The following CYP4X1 variants were observed in gnomAD, a reference collection of about 807,000 sequenced individuals.
CYP4X1 encodes cytochrome P450 family 4 subfamily X member 1, also known as cytochrome P450 4X1.
CYP4X1 carries 44 observed loss-of-function variants against 57.9 expected under a neutral mutation model. The observed-to-expected ratio is 0.76, with a 90% CI of 0.60 to 0.98. CYP4X1 has a LOEUF of 0.98. Ranked by LOEUF, CYP4X1 falls within the 50% of genes least tolerant of loss-of-function variation. The probability of loss-of-function intolerance (pLI) is 0.00; values close to 1 mark genes in which losing one functional copy is unlikely to be tolerated. For missense variants in CYP4X1, 532 were observed against 623.9 expected, an observed-to-expected ratio of 0.85 and a Z score of 1.57; for synonymous variants, 227 against 228.6, an observed-to-expected ratio of 0.99 and a Z score of 0.06.
the CYP4X1 span, among the ~76,000 whole-genome samples, chr1:46,971,880 A>G: frequency 6.6e-6 from 1 of 152,156 alleles, no homozygotes; most frequent in African/African-American, 2.4e-5. Flanking sequence ...CCTATTCTGT[A>G]GACTGTCCAT....
chr1:47,045,275 A>G (rs1286696281), intron 8 of CYP4X1, among the ~76,000 whole-genome samples: 1 of 152,230 alleles, frequency 6.6e-6, no homozygotes, highest in African/African-American at 2.4e-5. Context: ...ATATGCAGTC[A>G]TTTTATGGAA....
chr1:47,027,611 T>C (rs1644084004), intron 1 of CYP4X1, among the ~76,000 whole-genome samples: 1 of 152,232 alleles, frequency 6.6e-6, no homozygotes, highest in Non-Finnish European at 1.5e-5. Context: ...ATTTTAAGTA[T>C]AGTCATAAGG....
At chr1:46,985,842 C>T in the CYP4X1 span, among the ~76,000 whole-genome samples, 2 of 152,104 alleles carry the variant, frequency 1.3e-5, no homozygotes, top group African/African-American at 4.8e-5. Context: ...AGGATGTTGT[C>T]CACACAGAAA....
chr1:47,036,081 AGTTT>A lies in CYP4X1; in HGVS notation c.689_692del (p.Leu230CysfsTer6). ...CAAAATCATATTTCACCGCTTGTACAGTTTGTTGTATCACAGTGACATAATTTTC... is the reference window on the plus strand; with the variant it reads ...CAAAATCATATTTCACCGCTTGTACAGTTGTATCACAGTGACATAATTTTC... On this transcript the variant is annotated frameshift_variant, in exon 6 of 12. Transcript: ENST00000371901. LOFTEE classifies it high-confidence loss of function. 6.2e-7 allele frequency: 1 copy of A among 1,613,818 alleles called. No homozygotes were observed. The highest frequency in any genetic ancestry group is 8.5e-7 in the Non-Finnish European group (1 of 1,179,824).
chr1:46,990,869 G>A, the CYP4X1 span, among the ~76,000 whole-genome samples: 2 of 152,062 alleles, frequency 1.3e-5, no homozygotes, highest in Non-Finnish European at 2.9e-5. Flanking sequence ...ATGGACACAG[G>A]GAGGGGAACA....
intron 1 of CYP4X1, among the ~76,000 whole-genome samples, chr1:47,029,519 A>T (rs1480921591): frequency 2.6e-5 from 4 of 152,252 alleles, no homozygotes; most frequent in Non-Finnish European, 5.9e-5. Context: ...CTGCTAAGTC[A>T]TGAGAAATAA....
upstream of CYP4X1, among the ~76,000 whole-genome samples, chr1:47,021,142 C>CAAAAAAAAA (rs546594827): frequency 0.073 from 3,447 of 47,410 alleles, 761 homozygotes; most frequent in East Asian, 0.23. Context: ...GCAGGAATGC[C>CAAAAAAAAA]AAAAAAAAAA....
rs780515105 is a variant in CYP4X1, at chr1:47,038,727, G to A, written c.843G>A (p.Arg281=). The change falls in exon 7 of 12, where the codon AGG becomes AGA. Residue 281 remains arginine, a synonymous_variant. Transcript: ENST00000371901. The stretch of plus-strand genomic sequence containing the variant: ...TAAAGCAGGATAACACTCCGAAGAG[G>A]AAGTACCAGGATTTTCTGGATATTG... ...AGVKQDNTPK[R]KYQDFLDIVL... is the part of the protein sequence containing the mutation. The A allele has an allele frequency of 6.2e-5, 100 of 1,610,934 alleles. 1 individual carries two copies. The Middle Eastern group carries it at 2.1e-3, about 35-fold the overall frequency.
At position 47,027,419 on chromosome 1, in the gene CYP4X1, G is replaced by A. The variant is rs1032047517; in HGVS notation, c.178-2571G>A. Among the ~76,000 whole-genome samples, 4 of 152,170 alleles carry A rather than the reference G, an allele frequency of 2.6e-5. No homozygotes were observed. In the East Asian group the frequency reaches 5.8e-4, roughly 22 times the overall value. On this transcript the variant is annotated intron_variant, in intron 1 of 11. Coordinates refer to ENST00000371901, the MANE Select transcript of CYP4X1 (RefSeq NM_178033.2). ...TGGAGTACCTGTGATATTTTGATAC[G>A]TGCATACAATGTGCAGTGATCAAAT... is the stretch of plus-strand genomic sequence containing the variant.
chr1:46,984,576 G>A, the CYP4X1 span, among the ~76,000 whole-genome samples: 1 of 151,994 alleles, frequency 6.6e-6, no homozygotes, highest in Non-Finnish European at 1.5e-5. Context: ...AGCAGGATGG[G>A]GTGTCATCTC....
chr1:47,031,128 C>T (rs1644119539), intron 2 of CYP4X1, among the ~76,000 whole-genome samples: 1 of 152,224 alleles, frequency 6.6e-6, no homozygotes, highest in South Asian at 2.1e-4. Context: ...ATATGTTGTC[C>T]CAACTACGGT....
the CYP4X1 span, among the ~76,000 whole-genome samples, chr1:46,962,272 A>C: frequency 2.0e-5 from 3 of 152,058 alleles, no homozygotes; most frequent in Non-Finnish European, 4.4e-5. Flanking sequence ...GCACACTGCC[A>C]CGCCTGGCTA....
chr1:47,009,318 C>A, the CYP4X1 span, among the ~76,000 whole-genome samples: 2 of 151,694 alleles, frequency 1.3e-5, no homozygotes, highest in African/African-American at 2.4e-5. Flanking sequence ...CTACCTGGTA[C>A]ATAAAGAAAT....
At chr1:47,049,878 A>G (rs1005162603) in intron 11 of CYP4X1, 122 bp from the exon 12 acceptor site, 2 of 1,070,038 alleles carry the variant, frequency 1.9e-6, no homozygotes, top group South Asian at 3.3e-5. Context: ...AAAAGTTTCA[A>G]TGGCATTTGG....
chr1:47,039,639 T>A, intron 8 of CYP4X1, 107 bp downstream of exon 8: 1 of 741,872 alleles, frequency 1.3e-6, no homozygotes, highest in Non-Finnish European at 2.0e-6. Flanking sequence ...TATGTGTAGG[T>A]GAAACAGAAG....
At chr1:47,018,714 G>A (rs1159513617), upstream of CYP4X1, among the ~76,000 whole-genome samples, 3 of 152,150 alleles carry the variant, frequency 2.0e-5, no homozygotes, top group Admixed American at 6.5e-5. Flanking sequence ...AGTTTAAGTT[G>A]TCTAGTCTTC....
the CYP4X1 span, among the ~76,000 whole-genome samples, chr1:47,007,239 A>C: frequency 1.3e-5 from 2 of 152,186 alleles, no homozygotes; most frequent in Non-Finnish European, 2.9e-5. Flanking sequence ...TTTCCAGGCA[A>C]ACGATCCGGC....
chr1:47,000,409 G>C, the CYP4X1 span, among the ~76,000 whole-genome samples: 1 of 152,156 alleles, frequency 6.6e-6, no homozygotes, highest in Non-Finnish European at 1.5e-5. Context: ...AAGAAAGGCA[G>C]CTCTAGAGGT....
chr1:46,982,115 G>C, the CYP4X1 span, among the ~76,000 whole-genome samples: 1 of 151,904 alleles, frequency 6.6e-6, no homozygotes, highest in Non-Finnish European at 1.5e-5. Flanking sequence ...ATGTACCCTA[G>C]AACTTAAAAT....
Sources: gnomAD v4.1 joint callset for allele counts (sites outside exome capture counted in the v4.1 genomes callset) on GRCh38, gnomAD v4.1.1 for gene constraint, MANE v1.5 for transcripts, NCBI Gene and HGNC (gene_info 2026-07-23, HGNC 2026-07-21) for gene names.